SAE1: variants seen among roughly 807,000 people sequenced by gnomAD.
SAE1 encodes SUMO1 activating enzyme subunit 1, also known as SUMO-activating enzyme subunit 1.
Under a neutral mutation model 40.6 loss-of-function variants are expected in SAE1, and 11 were observed. The observed-to-expected ratio is 0.27, with a 90% CI of 0.17 to 0.45. SAE1 has a LOEUF of 0.45. SAE1 is among the 20% of genes least tolerant of loss of function. The pLI, the probability that SAE1 is intolerant of heterozygous loss-of-function variation, is 1.00. For missense variants in SAE1, 373 were observed against 427.3 expected (o/e 0.87, Z 1.12); for synonymous variants, 155 against 154.3 (o/e 1.00, Z -0.03).
At chr19:47,197,149 C>T in intron 6 of SAE1, 84 bp from the exon 7 acceptor site, 8 of 1,417,436 alleles carry the variant, frequency 5.6e-6, no homozygotes, top group South Asian at 4.1e-5. Flanking sequence ...CCATTGCACT[C>T]CAGCCTGGGC....
chr19:47,161,183 T>G (rs1175655688), intron 5 of SAE1, among the ~76,000 whole-genome samples: 5 of 8,770 alleles, frequency 5.7e-4, no homozygotes, highest in South Asian at 1.4e-3. Context: ...TTTTTTCGGG[T>G]TTTTTTTTTT....
intron 6 of SAE1, 113 bp from the exon 7 acceptor site, chr19:47,197,120 G>C: frequency 9.7e-7 from 1 of 1,027,672 alleles, no homozygotes; most frequent in Non-Finnish European, 1.4e-6. Flanking sequence ...GGCAGAGGTT[G>C]CAGTGAGCCA....
intron 7 of SAE1, among the ~76,000 whole-genome samples, chr19:47,198,275 A>G (rs972933097): frequency 6.6e-6 from 1 of 151,956 alleles, no homozygotes; most frequent in Non-Finnish European, 1.5e-5. Flanking sequence ...ACGCCCAGCT[A>G]ATTTTTTTTG....
intron 3 of SAE1, among the ~76,000 whole-genome samples, chr19:47,151,162 T>A (rs770753726): frequency 3.9e-5 from 6 of 152,142 alleles, no homozygotes; most frequent in Admixed American, 6.5e-5. Context: ...CACCTTTTTT[T>A]ATTTGAGATG....
Position 47,197,303 on chromosome 19 carries a change from G to A in SAE1, c.804G>A (p.Leu268=). 6.2e-7 allele frequency: 1 copy of A among 1,614,004 alleles called. No homozygotes were observed. Among genetic ancestry groups the A allele is most frequent in the Non-Finnish European group, 8.5e-7 (1 of 1,179,908 alleles). ...ATACATATGAGGAAGATTCTGAGTT[G>A]TTGCTCCAGATACGAAATGATGTGC... ...SSDTYEEDSE[L]LLQIRNDVLD... is the part of the protein sequence containing the mutation. The change falls in exon 7 of 9, where the codon TTG becomes TTA. Residue 268 remains leucine, a synonymous_variant. Coordinates refer to ENST00000270225, the MANE Select transcript of SAE1 (RefSeq NM_005500.3).
At chr19:47,206,361 C>T (rs139505036) in intron 8 of SAE1, among the ~76,000 whole-genome samples, 3 of 152,316 alleles carry the variant, frequency 2.0e-5, no homozygotes, top group East Asian at 1.9e-4. Flanking sequence ...AGCTGGCAGG[C>T]GGGGCCTGCA....
chr19:47,204,187 CTTTTTTTTTTTT>C (rs57736880), intron 8 of SAE1, among the ~76,000 whole-genome samples: 25 of 82,130 alleles, frequency 3.0e-4, no homozygotes, highest in Admixed American at 6.4e-4. Context: ...AAAGCCCTCC[CTTTTTTTTTTTT>C]TTTTTTTTTT....
At chr19:47,138,698 T>C (rs1432195396) in intron 1 of SAE1, among the ~76,000 whole-genome samples, 1 of 152,050 alleles carries the variant, frequency 6.6e-6, no homozygotes, top group Non-Finnish European at 1.5e-5. Context: ...AAACAAGTAG[T>C]GTAGCTTAGC....
intron 1 of SAE1, 34 bp downstream of exon 1, chr19:47,131,062 C>T: frequency 6.7e-7 from 1 of 1,484,760 alleles, no homozygotes; most frequent in African/African-American, 1.4e-5. Context: ...CCGCTAGGGT[C>T]TGGAGGGGGC....
intron 5 of SAE1, among the ~76,000 whole-genome samples, chr19:47,158,708 G>C (rs1014187176): frequency 1.3e-5 from 2 of 152,202 alleles, no homozygotes; most frequent in African/African-American, 4.8e-5. Flanking sequence ...TGTGTGCAAG[G>C]CACTGTGTTG....
chr19:47,148,424 G>A (rs1054129526), intron 2 of SAE1, among the ~76,000 whole-genome samples: 4 of 151,978 alleles, frequency 2.6e-5, no homozygotes, highest in African/African-American at 9.7e-5. Flanking sequence ...TATTTGCAGA[G>A]ATTAATGGTT....
At chr19:47,151,790 G>A (rs1452181876) in intron 3 of SAE1, among the ~76,000 whole-genome samples, 1 of 152,190 alleles carries the variant, frequency 6.6e-6, no homozygotes, top group East Asian at 1.9e-4. Flanking sequence ...TATGCCAGGT[G>A]TCCCTTGAAC....
At chr19:47,182,488 TGTGTGTGTGCGCGCACGCAC>T (rs1040034053) in intron 6 of SAE1, among the ~76,000 whole-genome samples, 2 of 144,026 alleles carry the variant, frequency 1.4e-5, no homozygotes, top group African/African-American at 5.5e-5. Context: ...TGTGTGTGTG[TGTGTGTGTGCGCGCACGCAC>T]GCGCGCGCGC....
chr19:47,133,885 C>T (rs1190571981), intron 1 of SAE1, among the ~76,000 whole-genome samples: 5 of 145,928 alleles, frequency 3.4e-5, no homozygotes, highest in Non-Finnish European at 4.5e-5. Context: ...TTTTTTGAGA[C>T]GGAGTCTCAC....
chr19:47,188,468 C>T (rs1053008253), intron 6 of SAE1, among the ~76,000 whole-genome samples: 2 of 152,136 alleles, frequency 1.3e-5, no homozygotes, highest in Non-Finnish European at 2.9e-5. Flanking sequence ...GTCCAGAGCC[C>T]ACAGCTGAAT....
rs71180804 is a variant in SAE1 at position 47,186,251 on chromosome 19, TA to T, written c.734-10972del. Among the ~76,000 whole-genome samples the T allele has an allele frequency of 4.2e-3, 625 of 148,842 alleles. 6 individuals carry two copies. Among genetic ancestry groups the T allele is most frequent in the African/African-American group, 0.014 (580 of 40,584 alleles). ...AGAGACTCTGTCTCAAAAATAAAAATAAAAAAAAAATAATAAAAGCTCATTG... is the reference window on the plus strand; with the variant it reads ...AGAGACTCTGTCTCAAAAATAAAAATAAAAAAAAATAATAAAAGCTCATTG... On this transcript the variant is annotated intron_variant, in intron 6 of 8. Transcript: ENST00000270225.
intron 2 of SAE1, among the ~76,000 whole-genome samples, chr19:47,149,644 AT>A (rs370378855): frequency 6.6e-6 from 1 of 152,130 alleles, no homozygotes; most frequent in African/African-American, 2.4e-5. Flanking sequence ...GAAAGCATGG[AT>A]TTTTTTGTTG....
At chr19:47,166,987 T>C (rs2058397448) in intron 5 of SAE1, among the ~76,000 whole-genome samples, 1 of 152,142 alleles carries the variant, frequency 6.6e-6, no homozygotes, top group Non-Finnish European at 1.5e-5. Flanking sequence ...CGTCTCACCT[T>C]GTTGCCCAGG....
In SAE1 at chr19:47,155,175, G is replaced by T; in HGVS notation, c.589G>T (p.Ala197Ser). Reference sequence around the variant, plus strand: ...AGAAGATGGGCCCGACACCAAGAGAGCAAAACTTGATTCTTCTGAGACAAC... The same window carrying T: ...AGAAGATGGGCCCGACACCAAGAGATCAAAACTTGATTCTTCTGAGACAAC... The part of the protein sequence containing the change: ...GVEDGPDTKR[A>S]KLDSSETTMV... Residue 197 changes from alanine (A) to serine (S), a missense_variant, in exon 5 of 9, where the codon GCA becomes TCA. Ala to Ser is a moderately conservative substitution (Grantham distance 99). Transcript: ENST00000270225. 1 of 1,613,990 alleles carries T rather than the reference G, an allele frequency of 6.2e-7. No individual in the cohort carries two copies. Among genetic ancestry groups the T allele is most frequent in the Non-Finnish European group, 8.5e-7 (1 of 1,179,922 alleles).
Sources: gnomAD v4.1 joint callset for allele counts (sites outside exome capture counted in the v4.1 genomes callset) on GRCh38, gnomAD v4.1.1 for gene constraint, MANE v1.5 for transcripts, NCBI Gene and HGNC (gene_info 2026-07-23, HGNC 2026-07-21) for gene names.